CALCA: variants seen among roughly 807,000 people sequenced by gnomAD.
The protein encoded by CALCA is calcitonin.
A neutral mutation model predicts 6.9 loss-of-function variants in CALCA; 4 were observed. The ratio of observed to expected loss-of-function variants is 0.58; its 90% CI spans 0.29 to 1.33. The LOEUF is 1.33. Among genes scored for constraint, CALCA ranks in the 40% most tolerant of loss-of-function variants. The pLI is 0.09. For missense variants in CALCA, 174 were observed against 178.3 expected (o/e 0.98, Z 0.14); for synonymous variants, 78 against 70.0 (o/e 1.11, Z -0.57).
chr11:14,972,025 A>G (rs1427977175), intron 1 of CALCA, among the ~76,000 whole-genome samples: 3 of 152,176 alleles, frequency 2.0e-5, no homozygotes, highest in African/African-American at 7.2e-5. Flanking sequence ...GCGAGAGAGT[A>G]AGACTGGAGT....
chr11:14,968,077 A>G (rs571918764), downstream of CALCA: 2 of 608,090 alleles, frequency 3.3e-6, no homozygotes, highest in East Asian at 5.8e-5. Context: ...AGAAAACCCA[A>G]GGTGACTCTG....
chr11:14,971,963 C>T lies in CALCA; in HGVS notation c.-10+282G>A, dbSNP rs137887690. On this transcript the variant is annotated intron_variant, in intron 1 of 3. Coordinates refer to ENST00000331587, the MANE Select transcript of CALCA (RefSeq NM_001741.3). ...TTTCTCTTGCCTCAGGCTCTGTGCG[C>T]GGTCCCTGGGGAGCCTGAGTGTCCC... 2.1e-3 allele frequency among the ~76,000 whole-genome samples: 313 copies of T among 152,294 alleles called. 1 individual carries two copies. The highest frequency in any genetic ancestry group is 0.017 in the South Asian group (80 of 4,820).
downstream of CALCA, chr11:14,967,921 A>T: frequency 6.3e-7 from 1 of 1,574,834 alleles, no homozygotes; most frequent in Non-Finnish European, 8.7e-7. Flanking sequence ...GGTCAGCCCC[A>T]TGGGACCTTC....
rs782756866 is a variant in CALCA at position 14,969,961 on chromosome 11, C to T, written c.201G>A (p.Glu67=). 1.1e-5 allele frequency: 17 copies of T among 1,613,502 alleles called. No individual in the cohort carries two copies. Among genetic ancestry groups the T allele is most frequent in the African/African-American group, 1.3e-5 (1 of 74,932 alleles). ...DYVQMKASEL[E]QEQEREGSSL... ...TGGAGCCCTCTCTCTCTTGCTCCTG[C>T]TCCAGCTCACTGGCCTTCATCTGCA... is the stretch of plus-strand genomic sequence containing the variant. The change falls in exon 3 of 4, where the codon GAG becomes GAA. Residue 67 remains glutamate (E), a synonymous_variant. Transcript: ENST00000331587.
In CALCA at chr11:14,968,762, G is replaced by C; in HGVS notation, c.*37C>G. ...ACCACATGCATCAAGTTATAGGAAG[G>C]ATGCAAGAAGGGAAATTAGGAAGGA... On this transcript the variant is annotated 3_prime_UTR_variant, in exon 4 of 4. Coordinates refer to ENST00000331587, the MANE Select transcript of CALCA (RefSeq NM_001741.3). 6.2e-7 allele frequency: 1 copy of C among 1,613,976 alleles called. No homozygotes were observed. Among genetic ancestry groups the C allele is most frequent in the Non-Finnish European group, 8.5e-7 (1 of 1,179,956 alleles).
rs781856512 is a variant in CALCA at position 14,969,942 on chromosome 11, C to CCT, written c.218_219dup (p.Gly74ArgfsTer16). The CCT allele has an allele frequency of 8.1e-6, 13 of 1,612,864 alleles. No homozygotes were observed. In the African/African-American group the frequency reaches 1.7e-4, roughly 22 times the overall value. On this transcript the variant is annotated frameshift_variant, in exon 3 of 4. Transcript: ENST00000331587. LOFTEE classifies it low-confidence loss of function (END_TRUNC). Reference sequence around the variant, plus strand: ...GCGCTTGGGGAGCCTCACCTGGAGCCCTCTCTCTCTTGCTCCTGCTCCAGC... The same window carrying CCT: ...GCGCTTGGGGAGCCTCACCTGGAGCCCTCTCTCTCTCTTGCTCCTGCTCCAGC...
Position 14,971,178 on chromosome 11 carries a change from C to T in CALCA, c.15G>A (p.Lys5=). 6.2e-7 allele frequency: 1 copy of T among 1,614,034 alleles called. No individual in the cohort carries two copies. Among genetic ancestry groups the T allele is most frequent in the Non-Finnish European group, 8.5e-7 (1 of 1,179,974 alleles). The change falls in exon 2 of 4, where the codon AAG becomes AAA. Residue 5 remains lysine (K), a synonymous_variant. Coordinates refer to ENST00000331587, the MANE Select transcript of CALCA (RefSeq NM_001741.3). ...TGCTGAGAGCCAGGAAGGGGGAGAA[C>T]TTTTGGAAGCCCATGACACCTCTCT... MGFQ[K]FSPFLALSIL... is the part of the protein sequence containing the mutation.
rs1297911683 is a variant in CALCA at position 14,968,593 on chromosome 11, G to A, written c.*206C>T. The A allele has an allele frequency of 6.8e-6, 10 of 1,472,040 alleles. No homozygotes were observed. Among genetic ancestry groups the A allele is most frequent in the Non-Finnish European group, 9.0e-6 (10 of 1,112,394 alleles). The allele number at this position is 1,472,040 out of a possible 1,614,324, so 91.2% of individuals were successfully genotyped here. ...TGACATCTCTGGGGGACTCAAAGCG[G>A]CCCTCATTTTCTGGTATTTTCCCAG... On this transcript the variant is annotated 3_prime_UTR_variant, in exon 4 of 4. Transcript: ENST00000331587.
At chr11:14,970,995 G>C in intron 2 of CALCA, 112 bp downstream of exon 2, 1 of 803,778 alleles carries the variant, frequency 1.2e-6, no homozygotes, top group Non-Finnish European at 2.2e-6. Flanking sequence ...ATATGTGCAT[G>C]AGTACATACC....
chr11:14,968,204 A>G, downstream of CALCA: 1 of 355,570 alleles, frequency 2.8e-6, no homozygotes, highest in Non-Finnish European at 5.3e-6. Context: ...ACCCAGCCCC[A>G]TTCACAAAGG....
chr11:14,968,516 T>C lies in CALCA; in HGVS notation c.*283A>G. 1 of 1,310,768 alleles carries C rather than the reference T, an allele frequency of 7.6e-7. No homozygotes were observed. Among genetic ancestry groups the C allele is most frequent in the Non-Finnish European group, 9.8e-7 (1 of 1,023,540 alleles). 81.2% of individuals were successfully genotyped at this position (1,310,768 alleles called of 1,614,324 possible). A position where few individuals can be genotyped will look rare whatever the true frequency, so the allele number is the denominator to read the frequency against. Reference sequence around the variant, plus strand: ...AGCTCAGATCTTTGGGGAAAAATAATTTTATTCCTCAAATGATCAGCACAT... The same window carrying C: ...AGCTCAGATCTTTGGGGAAAAATAACTTTATTCCTCAAATGATCAGCACAT... On this transcript the variant is annotated 3_prime_UTR_variant, in exon 4 of 4. Coordinates refer to ENST00000331587, the MANE Select transcript of CALCA (RefSeq NM_001741.3).
rs2644689 is a variant in CALCA, at chr11:14,968,970, G to A, written c.255C>T (p.Cys85=). 4.8e-5 allele frequency: 78 copies of A among 1,613,506 alleles called. No individual in the cohort carries two copies. Among genetic ancestry groups the A allele is most frequent in the South Asian group, 1.1e-4 (10 of 91,054 alleles). ...SSLDSPRSKR[C]GNLSTCMLGT... ...CCAGCATGCAAGTACTCAGATTACC[G>A]CACCGCTTAGATCTGGGGCTGTCCA... The change falls in exon 4 of 4, where the codon TGC becomes TGT. Residue 85 remains cysteine (C), a synonymous_variant. Coordinates refer to ENST00000331587, the MANE Select transcript of CALCA (RefSeq NM_001741.3).
rs1849566490 is a variant in CALCA at position 14,970,141 on chromosome 11, G to A, written c.87-66C>T. 3 of 1,595,684 alleles carry A rather than the reference G, an allele frequency of 1.9e-6. No homozygotes were observed. In the Admixed American group the frequency reaches 5.3e-5, roughly 28 times the overall value. On this transcript the variant is annotated intron_variant, in intron 2 of 3. Coordinates refer to ENST00000331587, the MANE Select transcript of CALCA (RefSeq NM_001741.3). Reference sequence around the variant, plus strand: ...TGCCTGCCCCTCCCCAGGATAAGCAGCCAGGCTTCCTGGTCTTTGCTTCTT... The same window carrying A: ...TGCCTGCCCCTCCCCAGGATAAGCAACCAGGCTTCCTGGTCTTTGCTTCTT...
downstream of CALCA, chr11:14,968,391 C>T: frequency 8.8e-7 from 1 of 1,133,936 alleles, no homozygotes. Flanking sequence ...GGACCACCCA[C>T]CATATCCTCT....
At position 14,969,101 on chromosome 11, in the gene CALCA, G is replaced by A; in HGVS notation, c.228-104C>T. ...GGCAGGGGACCCTGGGAGCAGGAGG[G>A]GCAGGCAGGAGGGCAGCTCACTTAT... On this transcript the variant is annotated intron_variant, in intron 3 of 3. Coordinates refer to ENST00000331587, the MANE Select transcript of CALCA (RefSeq NM_001741.3). The A allele has an allele frequency of 3.8e-6, 4 of 1,049,284 alleles. No individual in the cohort carries two copies. The South Asian group carries it at 3.8e-5, about 10-fold the overall frequency. The allele number at this position is 1,049,284 out of a possible 1,614,324, so 65.0% of individuals were successfully genotyped here.
chr11:14,970,920 T>G (rs1305264523), intron 2 of CALCA, among the ~76,000 whole-genome samples, 187 bp downstream of exon 2: 2 of 152,158 alleles, frequency 1.3e-5, no homozygotes, highest in Admixed American at 1.3e-4. Context: ...TAATGAAGAA[T>G]ATTGTCTAAA....
Position 14,970,074 on chromosome 11 carries a change from A to C in CALCA, c.88T>G (p.Ser30Ala). The C allele has an allele frequency of 6.2e-7, 1 of 1,614,172 alleles. No homozygotes were observed. Among genetic ancestry groups the C allele is most frequent in the Non-Finnish European group, 8.5e-7 (1 of 1,180,010 alleles). ...TCTGCTGGGCTGCTCTCCAGGGCAG[A>C]CCTGTGGAGGGGAAGCAAACTCAGT... ...AGSLHAAPFR[S>A]ALESSPADPA... Residue 30 changes from serine (S) to alanine (A), a missense_variant and splice_region_variant, in exon 3 of 4, where the codon TCT becomes GCT. Transcript: ENST00000331587.
rs1555026159 is a variant in CALCA, at chr11:14,970,045, C to T, written c.117G>A (p.Pro39=). The change falls in exon 3 of 4, where the codon CCG becomes CCA. Residue 39 remains proline, a synonymous_variant. Transcript: ENST00000331587. ...RSALESSPAD[P]ATLSEDEARL... ...GCGCTTCGTCCTCACTGAGCGTGGC[C>T]GGGTCTGCTGGGCTGCTCTCCAGGG... 2.5e-6 allele frequency: 4 copies of T among 1,614,118 alleles called. No homozygotes were observed. Among genetic ancestry groups the T allele is most frequent in the East Asian group, 2.2e-5 (1 of 44,898 alleles).
downstream of CALCA, among the ~76,000 whole-genome samples, chr11:14,967,459 T>C (rs776627405): frequency 1.1e-4 from 17 of 152,224 alleles, no homozygotes; most frequent in Non-Finnish European, 2.1e-4. Flanking sequence ...TCTGTATTTC[T>C]TGGTCTGATG....
Sources: allele counts gnomAD v4.1 joint callset (sites outside exome capture counted in the v4.1 genomes callset), GRCh38; gene constraint gnomAD v4.1.1; transcripts MANE v1.5; gene names NCBI Gene and HGNC (gene_info 2026-07-23, HGNC 2026-07-21).